The following RPL35A variants were observed in gnomAD, a reference collection of about 807,000 sequenced individuals.
RPL35A encodes the protein ribosomal protein L35a.
A neutral mutation model predicts 16.7 loss-of-function variants in RPL35A; 1 was observed. The observed-to-expected ratio is 0.06, with a 90% CI of 0.02 to 0.28. The LOEUF is 0.28. Ranked by LOEUF, RPL35A falls within the 10% of genes least tolerant of loss-of-function variation. The pLI is 1.00. For missense variants in RPL35A, 91 were observed against 138.7 expected, an observed-to-expected ratio of 0.66 and a Z score of 1.73; for synonymous variants, 58 against 47.0, an observed-to-expected ratio of 1.23 and a Z score of -0.96.
chr3:197,950,230 A>G lies in RPL35A; in HGVS notation c.-33+9A>G. 8.1e-7 allele frequency: 1 copy of G among 1,231,036 alleles called. No individual in the cohort carries two copies. The highest frequency in any genetic ancestry group is 1.0e-6 in the Non-Finnish European group (1 of 987,764). The allele number at this position is 1,231,036 out of a possible 1,614,324, so 76.3% of individuals were successfully genotyped here. On this transcript the variant is annotated intron_variant, in intron 1 of 4. Transcript: ENST00000647248. Reference sequence around the variant, plus strand: ...TCTTGGCTCCTGTGGAGGTGAGTGAAGGGTCTGCTGCTGAAATTTGGGGGC... The same window carrying G: ...TCTTGGCTCCTGTGGAGGTGAGTGAGGGGTCTGCTGCTGAAATTTGGGGGC...
intron 4 of RPL35A, chr3:197,954,431 T>C (rs1581107056): frequency 4.4e-6 from 2 of 457,322 alleles, no homozygotes; most frequent in East Asian, 8.9e-5. Context: ...CCTCCTGGGT[T>C]CAAGCAATCC....
intron 1 of RPL35A, chr3:197,950,432 G>C (rs1309451895): frequency 2.5e-6 from 2 of 798,146 alleles, no homozygotes; most frequent in South Asian, 5.9e-5. Flanking sequence ...GGTTATCCCA[G>C]TTAAATTCCT....
chr3:197,954,164 G>C lies in RPL35A; in HGVS notation c.309+17G>C, dbSNP rs779636091. On this transcript the variant is annotated intron_variant, in intron 4 of 4. Transcript: ENST00000647248. The stretch of plus-strand genomic sequence containing the variant: ...ATCCGAGTGGTGAGTATGGTTTTTA[G>C]CAAAATGGACGTCTGATGAATCAGA... 3 of 1,613,936 alleles carry C rather than the reference G, an allele frequency of 1.9e-6. No homozygotes were observed. In the South Asian group the frequency reaches 3.3e-5, roughly 18 times the overall value.
At chr3:197,952,167 T>TG (rs1420795641) in intron 3 of RPL35A, among the ~76,000 whole-genome samples, 49 of 126,890 alleles carry the variant, frequency 3.9e-4, no homozygotes, top group Non-Finnish European at 4.4e-4. Context: ...TATGGGTTTT[T>TG]TTTTTTTTTT....
Position 197,954,016 on chromosome 3 carries a change from C to G in RPL35A, c.178C>G (p.Pro60Ala). The G allele has an allele frequency of 6.2e-7, 1 of 1,613,094 alleles. No individual in the cohort carries two copies. The highest frequency in any genetic ancestry group is 8.5e-7 in the Non-Finnish European group (1 of 1,179,960). ...VYKAKNNTVT[P>A]GGKPNKTRVI... is the part of the protein sequence containing the mutation. Reference sequence around the variant, plus strand: ...TTTTAAAATCAGCAACACAGTCACTCCTGGCGGCAAACCAAACAAAACCAG... The same window carrying G: ...TTTTAAAATCAGCAACACAGTCACTGCTGGCGGCAAACCAAACAAAACCAG... The change falls in exon 4 of 5, where the codon CCT (proline) becomes GCT (alanine). Residue 60 changes from proline (P) to alanine (A), a missense_variant. Physicochemically the swap from Pro to Ala is conservative, Grantham distance 27 (BLOSUM62 -1). Coordinates refer to ENST00000647248, the MANE Select transcript of RPL35A (RefSeq NM_000996.4).
At position 197,955,733 on chromosome 3, in the gene RPL35A, TTC is replaced by T. The variant is rs878893357; in HGVS notation, c.310-15_310-14del. On this transcript the variant is annotated splice_polypyrimidine_tract_variant and intron_variant, in intron 4 of 4. Transcript: ENST00000647248. The stretch of plus-strand genomic sequence containing the variant: ...TATAACATTCACCTAATGTTTTGTG[TTC>T]TTTTTTCCCTGCAGATGCTGTACCC... 1.3e-6 allele frequency: 2 copies of T among 1,595,380 alleles called. No homozygotes were observed. Among genetic ancestry groups the T allele is most frequent in the African/African-American group, 1.3e-5 (1 of 74,492 alleles).
rs1455748378 is a variant in RPL35A, at chr3:197,951,155, T to G, written c.12-4T>G. The G allele has an allele frequency of 3.7e-6, 6 of 1,613,982 alleles. No individual in the cohort carries two copies. The highest frequency in any genetic ancestry group is 5.1e-6 in the Non-Finnish European group (6 of 1,180,024). On this transcript the variant is annotated splice_polypyrimidine_tract_variant and splice_region_variant and intron_variant, in intron 2 of 4. Transcript: ENST00000647248. ...TTTCATGTTGTGTATCTTTTGTGTC[T>G]TAGGCTGTGGTCCAAGGCCATTTTT... is the stretch of plus-strand genomic sequence containing the variant.
Position 197,955,875 on chromosome 3 carries a change from GAT to G in RPL35A, c.*104_*105del, listed in dbSNP as rs1425838067. On this transcript the variant is annotated 3_prime_UTR_variant, in exon 5 of 5. Coordinates refer to ENST00000647248, the MANE Select transcript of RPL35A (RefSeq NM_000996.4). ...AATTGATTTGCTACATGCTTAAAAT[GAT>G]AGAGGTTGCTCAGCATTTTTGGAGT... 3.0e-6 allele frequency: 3 copies of G among 1,009,812 alleles called. No individual in the cohort carries two copies. The African/African-American group carries it at 4.8e-5, about 16-fold the overall frequency. 62.6% of individuals were successfully genotyped at this position (1,009,812 alleles called of 1,614,324 possible).
At chr3:197,953,564 G>C (rs985425719) in intron 3 of RPL35A, 4 of 457,356 alleles carry the variant, frequency 8.7e-6, no homozygotes, top group Admixed American at 2.3e-5. Context: ...GCCTGCGCTA[G>C]TCATCCCGTG....
In RPL35A at chr3:197,956,291, TG is replaced by T. The variant is rs1259995081; in HGVS notation, c.*521del. On this transcript the variant is annotated 3_prime_UTR_variant, in exon 5 of 5. Transcript: ENST00000647248. Reference sequence around the variant, plus strand: ...TACTATGCATTTGTTCAATGCAGATTGGGAAACTTAAAATTTGAATGGAGAT... The same window carrying T: ...TACTATGCATTTGTTCAATGCAGATTGGAAACTTAAAATTTGAATGGAGAT... 1 of 161,170 alleles carries T rather than the reference TG, an allele frequency of 6.2e-6. No homozygotes were observed. Among genetic ancestry groups the T allele is most frequent in the African/African-American group, 2.4e-5 (1 of 41,618 alleles). 10.0% of individuals were successfully genotyped at this position (161,170 alleles called of 1,614,324 possible). A position where few individuals can be genotyped will look rare whatever the true frequency, so the allele number is the denominator to read the frequency against.
intron 1 of RPL35A, 122 bp downstream of exon 1, chr3:197,950,343 CAAG>C: frequency 1.6e-6 from 2 of 1,225,028 alleles, no homozygotes; most frequent in Non-Finnish European, 1.0e-6. Context: ...CTACGGGTTT[CAAG>C]AAGAGGGAGA....
intron 1 of RPL35A, 163 bp from the exon 2 acceptor site, chr3:197,950,773 G>T: frequency 1.6e-6 from 1 of 642,496 alleles, no homozygotes. Flanking sequence ...TGAATGTCTT[G>T]CCGGACCCTG....
Position 197,950,934 on chromosome 3 carries a change from AGGCC to A in RPL35A, c.-32-1_-30del. 1 of 1,614,068 alleles carries A rather than the reference AGGCC, an allele frequency of 6.2e-7. No individual in the cohort carries two copies. The highest frequency in any genetic ancestry group is 8.5e-7 in the Non-Finnish European group (1 of 1,179,908). The stretch of plus-strand genomic sequence containing the variant: ...TAAACTAATCTTTTTGTTTGTTTTA[AGGCC>A]TGCTGGGAACGGGACTTCTAAAAGG... On this transcript the variant is annotated splice_acceptor_variant and 5_prime_UTR_variant, in exon 2 of 5. Transcript: ENST00000647248. LOFTEE classifies it low-confidence loss of function (5UTR_SPLICE).
At position 197,953,983 on chromosome 3, in the gene RPL35A, CT is replaced by C; in HGVS notation, c.165-17del. ...AACTATATCAGCTTGTATTCCTCTT[CT>C]TTCCCTTTTTAAAATCAGCAACACA... On this transcript the variant is annotated intron_variant, in intron 3 of 4. Coordinates refer to ENST00000647248, the MANE Select transcript of RPL35A (RefSeq NM_000996.4). 1 of 1,611,980 alleles carries C rather than the reference CT, an allele frequency of 6.2e-7. No individual in the cohort carries two copies. Among genetic ancestry groups the C allele is most frequent in the South Asian group, 1.1e-5 (1 of 90,984 alleles).
intron 3 of RPL35A, 137 bp downstream of exon 3, chr3:197,951,448 G>T (rs1720074810): frequency 3.4e-6 from 3 of 894,974 alleles, no homozygotes; most frequent in Non-Finnish European, 5.4e-6. Context: ...CGCCTCCCGG[G>T]TTCAAGCAAG....
chr3:197,955,879 G>A lies in RPL35A; in HGVS notation c.*106G>A. 1 of 989,108 alleles carries A rather than the reference G, an allele frequency of 1.0e-6. No homozygotes were observed. The highest frequency in any genetic ancestry group is 1.7e-5 in the Admixed American group (1 of 57,892). 61.3% of individuals were successfully genotyped at this position (989,108 alleles called of 1,614,324 possible). ...GATTTGCTACATGCTTAAAATGATAGAGGTTGCTCAGCATTTTTGGAGTAC... is the reference window on the plus strand; with the variant it reads ...GATTTGCTACATGCTTAAAATGATAAAGGTTGCTCAGCATTTTTGGAGTAC... On this transcript the variant is annotated 3_prime_UTR_variant, in exon 5 of 5. Transcript: ENST00000647248.
At chr3:197,954,925 C>G (rs1720412286) in intron 4 of RPL35A, among the ~76,000 whole-genome samples, 1 of 152,210 alleles carries the variant, frequency 6.6e-6, no homozygotes, top group Admixed American at 6.5e-5. Context: ...TCCATCATGT[C>G]AGTCTTGTTA....
chr3:197,951,057 A>C (rs1720029519), intron 2 of RPL35A, 79 bp downstream of exon 2: 3 of 1,604,618 alleles, frequency 1.9e-6, no homozygotes, highest in South Asian at 2.2e-5. Flanking sequence ...GGCAAGAAAA[A>C]ACTTAGATGT....
intron 3 of RPL35A, chr3:197,953,780 T>C (rs1581105227): frequency 1.7e-6 from 1 of 603,640 alleles, no homozygotes. Flanking sequence ...TTGGTTATCA[T>C]GTGAAAGATT....
Sources: allele counts gnomAD v4.1 joint callset (sites outside exome capture counted in the v4.1 genomes callset), GRCh38; gene constraint gnomAD v4.1.1; transcripts MANE v1.5; gene names NCBI Gene and HGNC (gene_info 2026-07-23, HGNC 2026-07-21).